PIGO: variants seen among roughly 807,000 people sequenced by gnomAD.
PIGO encodes the protein phosphatidylinositol glycan anchor biosynthesis class O.
A neutral mutation model predicts 86.9 loss-of-function variants in PIGO; 66 were observed. That is an observed-to-expected ratio of 0.76 (90% confidence interval 0.62 to 0.93). The LOEUF is 0.93. Among genes scored for constraint, PIGO ranks in the 40% least tolerant of loss-of-function variants. The pLI, the probability that PIGO is intolerant of heterozygous loss-of-function variation, is 0.00. For missense variants in PIGO, 1,202 were observed against 1,359.1 expected (o/e 0.88, Z 1.82); for synonymous variants, 570 against 556.4 (o/e 1.02, Z -0.34).
chr9:35,089,649 T>TTTTTTAA, intron 9 of PIGO, 199 bp from the exon 10 acceptor site: 1 of 1,438,622 alleles, frequency 7.0e-7, no homozygotes. Context: ...CTATGTGACT[T>TTTTTTAA]TGGGCAAGTC....
At position 35,092,640 on chromosome 9, in the gene PIGO, C is replaced by T. The variant is rs774194698; in HGVS notation, c.1247G>A (p.Gly416Glu). ...CACAGTCGGCAGTGTCGCCTCAGCC[C>T]CCTTGGGGCTCTGGAGAAGCCACTG... ...DYQWLLQSPKGAEATLPTVIA... is the reference protein window; with the variant it reads ...DYQWLLQSPKEAEATLPTVIA... Residue 416 changes from glycine (G) to glutamate (E), a missense_variant, in exon 7 of 11, where the codon GGG becomes GAG. Gly to Glu is a moderately conservative substitution (Grantham distance 98). Coordinates refer to ENST00000378617, the MANE Select transcript of PIGO (RefSeq NM_032634.4). 3 of 1,614,236 alleles carry T rather than the reference C, an allele frequency of 1.9e-6. No homozygotes were observed. Among genetic ancestry groups the T allele is most frequent in the Non-Finnish European group, 2.5e-6 (3 of 1,180,048 alleles).
At chr9:35,091,201 C>G (rs1162955497) in intron 7 of PIGO, 39 bp downstream of exon 7, 1 of 1,532,814 alleles carries the variant, frequency 6.5e-7, no homozygotes, top group African/African-American at 1.4e-5. Flanking sequence ...GAACTCACAT[C>G]ACTATTGTCT....
At chr9:35,095,605 A>T (rs1829637506) in intron 1 of PIGO, 39 bp from the exon 2 acceptor site, 1 of 1,482,226 alleles carries the variant, frequency 6.7e-7, no homozygotes, top group East Asian at 2.4e-5. Context: ...ACTGTGGGGC[A>T]AAGAACCAGT....
In PIGO at chr9:35,092,961, A is replaced by T. The variant is rs187374077; in HGVS notation, c.1119+69T>A. 6.7e-4 allele frequency: 1,018 copies of T among 1,515,900 alleles called. 1 individual carries two copies. Among genetic ancestry groups the T allele is most frequent in the Non-Finnish European group, 7.9e-4 (886 of 1,119,116 alleles). The allele number at this position is 1,515,900 out of a possible 1,614,324, so 93.9% of individuals were successfully genotyped here. A position where few individuals can be genotyped will look rare whatever the true frequency, so the allele number is the denominator to read the frequency against. Reference sequence around the variant, plus strand: ...ACTAAGACTAGTCAAAGGACAAAAGAGTGGTTCATTATGCTTCTTTCATGC... The same window carrying T: ...ACTAAGACTAGTCAAAGGACAAAAGTGTGGTTCATTATGCTTCTTTCATGC... On this transcript the variant is annotated intron_variant, in intron 6 of 10. Coordinates refer to ENST00000378617, the MANE Select transcript of PIGO (RefSeq NM_032634.4).
In PIGO at chr9:35,094,256, G is replaced by A. The variant is rs763427139; in HGVS notation, c.615C>T (p.Asp205=). The change falls in exon 3 of 11, where the codon GAC becomes GAT. Residue 205 remains aspartate, a synonymous_variant. Coordinates refer to ENST00000378617, the MANE Select transcript of PIGO (RefSeq NM_032634.4). The part of the protein sequence containing the change: ...FFPSFNVRDL[D]TVDNGILEHL... Reference sequence around the variant, plus strand: ...GTTCCAGGATGCCATTGTCCACTGTGTCTAGGTCTCTGACATTGAAGGATG... The same window carrying A: ...GTTCCAGGATGCCATTGTCCACTGTATCTAGGTCTCTGACATTGAAGGATG... 5 of 1,607,472 alleles carry A rather than the reference G, an allele frequency of 3.1e-6. No homozygotes were observed. The South Asian group carries it at 4.4e-5, about 14-fold the overall frequency.
intron 1 of PIGO, 142 bp downstream of exon 1, chr9:35,096,013 C>CA (rs898797716): frequency 6.2e-6 from 1 of 162,044 alleles, no homozygotes; most frequent in Non-Finnish European, 1.4e-5. Context: ...CATGAGGTCC[C>CA]ACCCCAGATC....
intron 5 of PIGO, 97 bp downstream of exon 5, chr9:35,093,324 G>C (rs75289720): frequency 6.3e-7 from 1 of 1,581,088 alleles, no homozygotes; most frequent in African/African-American, 1.3e-5. Flanking sequence ...CAGGATCATG[G>C]ATTTGGGGGC....
intron 9 of PIGO, chr9:35,089,731 C>G: frequency 7.1e-7 from 1 of 1,399,712 alleles, no homozygotes; most frequent in Non-Finnish European, 9.3e-7. Flanking sequence ...CCACATCTGC[C>G]TCTGGAGGAA....
In PIGO at chr9:35,094,964, C is replaced by T. The variant is rs80269270; in HGVS notation, c.511+91G>A. On this transcript the variant is annotated intron_variant, in intron 2 of 10. Transcript: ENST00000378617. ...TCCCCCTACACCATAATCAAGTGTG[C>T]ATCTGGGCACCCAAAGGTCTGACTC... The T allele has an allele frequency of 8.2e-3, 12,057 of 1,472,802 alleles. 436 individuals carry two copies. Among genetic ancestry groups the T allele is most frequent in the African/African-American group, 0.07 (4,894 of 70,038 alleles). The allele number at this position is 1,472,802 out of a possible 1,614,324, so 91.2% of individuals were successfully genotyped here.
chr9:35,089,257 T>G (rs1234813264), intron 10 of PIGO, 36 bp from the exon 11 acceptor site: 1 of 1,614,012 alleles, frequency 6.2e-7, no homozygotes, highest in South Asian at 1.1e-5. Flanking sequence ...GGCAACAGAG[T>G]AGGTCTACTG....
rs140561049 is a variant in PIGO, at chr9:35,091,701, G to A, written c.2186C>T (p.Pro729Leu). 7 of 1,612,376 alleles carry A rather than the reference G, an allele frequency of 4.3e-6. No individual in the cohort carries two copies. The African/African-American group carries it at 6.7e-5, about 15-fold the overall frequency. The change falls in exon 7 of 11, where the codon CCC becomes CTC. Residue 729 changes from proline to leucine, a missense_variant. Coordinates refer to ENST00000378617, the MANE Select transcript of PIGO (RefSeq NM_032634.4). ...WALASGADEA[P>L]PRLRVLVSGA... is the part of the protein sequence containing the mutation. ...AGAGACCAGGACCCGGAGACGGGGG[G>A]GAGCCTCATCTGCCCCCGACGCCAA...
chr9:35,095,685 C>A, intron 1 of PIGO, 119 bp from the exon 2 acceptor site: 1 of 1,262,250 alleles, frequency 7.9e-7, no homozygotes, highest in Non-Finnish European at 1.1e-6. Context: ...TGGAGATAAA[C>A]CATTTCACAG....
In PIGO at chr9:35,090,579, G is replaced by A. The variant is rs1029569722; in HGVS notation, c.2741C>T (p.Ala914Val). The change falls in exon 8 of 11, where the codon GCC (alanine) becomes GTC (valine). Residue 914 changes from alanine (A) to valine (V), a missense_variant. By Grantham distance (64) the Ala-to-Val change is moderately conservative. Transcript: ENST00000378617. ...CACGAAGGCTGCATGCCAATGGATGGCTGGAAAGACAGGCTGGTGGCCTGT... is the reference window on the plus strand; with the variant it reads ...CACGAAGGCTGCATGCCAATGGATGACTGGAAAGACAGGCTGGTGGCCTGT... ...YSTGHQPVFP[A>V]IHWHAAFVGF... 2.0e-5 allele frequency: 33 copies of A among 1,614,244 alleles called. No homozygotes were observed. The highest frequency in any genetic ancestry group is 2.6e-5 in the Non-Finnish European group (31 of 1,180,046).
In PIGO at chr9:35,090,485, G is replaced by A. The variant is rs370574266; in HGVS notation, c.2835C>T (p.Ala945=). The A allele has an allele frequency of 1.9e-6, 3 of 1,611,824 alleles. No individual in the cohort carries two copies. Among genetic ancestry groups the A allele is most frequent in the Non-Finnish European group, 2.5e-6 (3 of 1,178,092 alleles). ...GGGTACCTGCAAAGAGGAGGTGGGAGGCAAAGGTGTTGGCTCCCACTAGCA... is the reference window on the plus strand; with the variant it reads ...GGGTACCTGCAAAGAGGAGGTGGGAAGCAAAGGTGTTGGCTCCCACTAGCA... ...PALLVGANTF[A]SHLLFAVGCP... The change falls in exon 8 of 11, where the codon GCC becomes GCT. Residue 945 remains alanine (A), a synonymous_variant. Transcript: ENST00000378617.
At position 35,095,395 on chromosome 9, in the gene PIGO, T is replaced by A; in HGVS notation, c.171A>T (p.Lys57Asn). Residue 57 changes from lysine to asparagine, a missense_variant, in exon 2 of 11, where the codon AAA becomes AAT. Transcript: ENST00000378617. ...PGSLPWGSQG[K>N]PGACWMASRF... is the part of the protein sequence containing the mutation. ...GGGAAGCCATCCAGCAGGCCCCAGG[T>A]TTCCCTTGGCTCCCCCATGGCAGGG... The A allele has an allele frequency of 6.2e-7, 1 of 1,614,056 alleles. No homozygotes were observed. The highest frequency in any genetic ancestry group is 1.1e-5 in the South Asian group (1 of 91,080).
rs779032497 is a variant in PIGO, at chr9:35,093,406, C to T, written c.939+15G>A. The T allele has an allele frequency of 6.2e-7, 1 of 1,613,790 alleles. No homozygotes were observed. ...GATTACTGGGAGAACAGATGAGGAACATCCCAGGCCTCACCTCTGGTGGGG... is the reference window on the plus strand; with the variant it reads ...GATTACTGGGAGAACAGATGAGGAATATCCCAGGCCTCACCTCTGGTGGGG... On this transcript the variant is annotated intron_variant, in intron 5 of 10. Coordinates refer to ENST00000378617, the MANE Select transcript of PIGO (RefSeq NM_032634.4).
chr9:35,092,984 T>C, intron 6 of PIGO, 46 bp downstream of exon 6: 2 of 1,568,000 alleles, frequency 1.3e-6, no homozygotes, highest in Non-Finnish European at 1.7e-6. Context: ...GCTTCTTTCA[T>C]GCCCACCCTA....
intron 7 of PIGO, 191 bp downstream of exon 7, chr9:35,091,049 C>T (rs530868608): frequency 1.5e-6 from 1 of 651,586 alleles, no homozygotes; most frequent in African/African-American, 1.8e-5. Context: ...ACCCTGGGAA[C>T]CAACAGGAGG....
chr9:35,089,230 A>T lies in PIGO; in HGVS notation c.3141-9T>A, dbSNP rs374227554. On this transcript the variant is annotated splice_polypyrimidine_tract_variant and intron_variant, in intron 10 of 10. Transcript: ENST00000378617. ...CAGCCTCAAATATGAACCTGCAAAGAAAGGCGGAGAATCTCAGGCAACAGA... is the reference window on the plus strand; with the variant it reads ...CAGCCTCAAATATGAACCTGCAAAGTAAGGCGGAGAATCTCAGGCAACAGA... 3.5e-5 allele frequency: 56 copies of T among 1,614,222 alleles called. No homozygotes were observed. The African/African-American group carries it at 6.7e-4, about 19-fold the overall frequency.
Sources: allele counts gnomAD v4.1 joint callset, GRCh38; gene constraint gnomAD v4.1.1; transcripts MANE v1.5; gene names NCBI Gene and HGNC (gene_info 2026-07-23, HGNC 2026-07-21).